The following TMEM178B variants were observed in gnomAD, a reference collection of about 807,000 sequenced individuals.
TMEM178B encodes transmembrane protein 178B.
In TMEM178B, 5 loss-of-function variants were observed where a neutral mutation model predicts 31.0. That is an observed-to-expected ratio of 0.16 (90% CI 0.08 to 0.34). TMEM178B has a LOEUF of 0.34. Ranked by LOEUF, TMEM178B falls within the 10% of genes least tolerant of loss-of-function variation. TMEM178B has a pLI of 1.00. For synonymous variants in TMEM178B, 164 were observed against 164.0 expected, an observed-to-expected ratio of 1.00 and a Z score of 0.00; for missense variants, 275 against 400.3, an observed-to-expected ratio of 0.69 and a Z score of 2.67.
chr7:141,388,566 G>A (rs562957760), intron 2 of TMEM178B, among the ~76,000 whole-genome samples: 98 of 152,200 alleles, frequency 6.4e-4, no homozygotes, highest in Non-Finnish European at 7.9e-4. Context: ...ATTCCTGCCC[G>A]TCAGAAGACT....
intron 2 of TMEM178B, among the ~76,000 whole-genome samples, chr7:141,363,469 G>A (rs1240568754): frequency 6.6e-6 from 1 of 152,144 alleles, no homozygotes; most frequent in South Asian, 2.1e-4. Context: ...TAATTTTCAC[G>A]TGAGAGAAAT....
intron 2 of TMEM178B, among the ~76,000 whole-genome samples, chr7:141,301,872 C>T (rs879466909): frequency 2.0e-5 from 3 of 152,208 alleles, no homozygotes; most frequent in Non-Finnish European, 4.4e-5. Context: ...GGAAATGACG[C>T]AGTGAGCACC....
At chr7:141,326,659 A>G (rs1799195372) in intron 2 of TMEM178B, among the ~76,000 whole-genome samples, 3 of 152,174 alleles carry the variant, frequency 2.0e-5, no homozygotes, top group African/African-American at 4.8e-5. Context: ...CTTCATTTAC[A>G]TATTGTCTAT....
chr7:141,379,886 A>G (rs1279025429), intron 2 of TMEM178B, among the ~76,000 whole-genome samples: 3 of 152,200 alleles, frequency 2.0e-5, no homozygotes, highest in Non-Finnish European at 4.4e-5. Flanking sequence ...GATTTTCCTC[A>G]AATTGGGGGA....
At chr7:141,173,402 G>A (rs1796378508) in intron 1 of TMEM178B, among the ~76,000 whole-genome samples, 1 of 152,112 alleles carries the variant, frequency 6.6e-6, no homozygotes, top group Non-Finnish European at 1.5e-5. Flanking sequence ...AAAATGTTAT[G>A]GAAACAGAGT....
intron 2 of TMEM178B, among the ~76,000 whole-genome samples, chr7:141,248,342 C>T (rs1293101009): frequency 6.6e-6 from 1 of 152,098 alleles, no homozygotes; most frequent in Non-Finnish European, 1.5e-5. Context: ...ACCTGGGAGG[C>T]GGAGGTTGTA....
At chr7:141,145,054 G>A (rs1361330706) in intron 1 of TMEM178B, among the ~76,000 whole-genome samples, 1 of 152,156 alleles carries the variant, frequency 6.6e-6, no homozygotes, top group Non-Finnish European at 1.5e-5. Flanking sequence ...ATTATTCTAA[G>A]GTCACTTTTG....
chr7:141,459,211 T>C (rs1802019372), intron 3 of TMEM178B, among the ~76,000 whole-genome samples: 1 of 152,182 alleles, frequency 6.6e-6, no homozygotes, highest in African/African-American at 2.4e-5. Flanking sequence ...GTATTTTTAG[T>C]AGAGACAGGG....
rs568024807 is a variant in TMEM178B, at chr7:141,166,101, A to G, written c.383-46490A>G. Among the ~76,000 whole-genome samples, 4 of 152,350 alleles carry G rather than the reference A, an allele frequency of 2.6e-5. No homozygotes were observed. In the East Asian group the frequency reaches 7.7e-4, roughly 29 times the overall value. ...AAAAGCAGGCTGGATAGTCAAAGACAACCAGCAGCATTTGCCACAATTGCT... is the reference window on the plus strand; with the variant it reads ...AAAAGCAGGCTGGATAGTCAAAGACGACCAGCAGCATTTGCCACAATTGCT... On this transcript the variant is annotated intron_variant, in intron 1 of 3. Transcript: ENST00000565468.
intron 3 of TMEM178B, among the ~76,000 whole-genome samples, chr7:141,451,244 G>T (rs943887825): frequency 7.2e-5 from 11 of 152,324 alleles, no homozygotes; most frequent in African/African-American, 2.6e-4. Flanking sequence ...ATACACCTCT[G>T]TATCACCACC....
intron 2 of TMEM178B, among the ~76,000 whole-genome samples, chr7:141,365,954 C>T (rs1032623283): frequency 1.3e-5 from 2 of 152,200 alleles, no homozygotes; most frequent in African/African-American, 2.4e-5. Flanking sequence ...TCAGGCAAGT[C>T]GTTTAACCCT....
chr7:141,508,456 G>A, the TMEM178B span, among the ~76,000 whole-genome samples: 1 of 152,130 alleles, frequency 6.6e-6, no homozygotes, highest in East Asian at 1.9e-4. Context: ...TCCAACCTCT[G>A]CCTGTTACCC....
chr7:141,502,532 G>A, the TMEM178B span, among the ~76,000 whole-genome samples: 1 of 152,220 alleles, frequency 6.6e-6, no homozygotes, highest in Admixed American at 6.5e-5. Context: ...AGCACTTTGG[G>A]AGGCAAAGGC....
chr7:141,412,970 C>A (rs1696887089), intron 2 of TMEM178B, among the ~76,000 whole-genome samples: 1 of 152,206 alleles, frequency 6.6e-6, no homozygotes, highest in Non-Finnish European at 1.5e-5. Flanking sequence ...TTGGTGAAGT[C>A]TTTTGTTCTT....
At chr7:141,203,097 G>T (rs1164040954) in intron 1 of TMEM178B, among the ~76,000 whole-genome samples, 1 of 152,120 alleles carries the variant, frequency 6.6e-6, no homozygotes, top group Non-Finnish European at 1.5e-5. Context: ...CTGATAAATG[G>T]CCTTCTTAAT....
In TMEM178B at chr7:141,470,657, G is replaced by A; in HGVS notation, c.756G>A (p.Met252Ile). 1 of 1,535,718 alleles carries A rather than the reference G, an allele frequency of 6.5e-7. No individual in the cohort carries two copies. The highest frequency in any genetic ancestry group is 8.7e-7 in the Non-Finnish European group (1 of 1,146,818). Residue 252 changes from methionine to isoleucine, a missense_variant, in exon 4 of 4, where the codon ATG becomes ATA. Coordinates refer to ENST00000565468, the MANE Select transcript of TMEM178B (RefSeq NM_001195278.2). ...TCAGCCATGGCTATGGCTGGTCCATGTTCTGTGCATGGGGGGGCCTGGGCC... is the reference window on the plus strand; with the variant it reads ...TCAGCCATGGCTATGGCTGGTCCATATTCTGTGCATGGGGGGGCCTGGGCC... Reference protein sequence around the residue: ...DDISHGYGWSMFCAWGGLGLT... With the variant: ...DDISHGYGWSIFCAWGGLGLT...
chr7:141,217,494 G>A (rs1797176445), intron 2 of TMEM178B, among the ~76,000 whole-genome samples: 2 of 152,194 alleles, frequency 1.3e-5, no homozygotes, highest in Admixed American at 6.5e-5. Flanking sequence ...CCCCAGGTGA[G>A]GACCCCAGGG....
At chr7:141,275,606 C>G (rs1318676897) in intron 2 of TMEM178B, among the ~76,000 whole-genome samples, 4 of 152,182 alleles carry the variant, frequency 2.6e-5, no homozygotes, top group Non-Finnish European at 4.4e-5. Context: ...TTGTTAGTAT[C>G]TGAAAGCAGG....
chr7:141,493,193 G>A, the TMEM178B span, among the ~76,000 whole-genome samples: 2 of 151,926 alleles, frequency 1.3e-5, no homozygotes, highest in Non-Finnish European at 2.9e-5. Flanking sequence ...ACTCCCCTCC[G>A]CAGTCTCTCC....
Sources: gnomAD v4.1 joint callset for allele counts (sites outside exome capture counted in the v4.1 genomes callset) on GRCh38, gnomAD v4.1.1 for gene constraint, MANE v1.5 for transcripts, NCBI Gene and HGNC (gene_info 2026-07-23, HGNC 2026-07-21) for gene names.